Variants in CFAP46 observed in about 807,000 individuals in gnomAD.
CFAP46 encodes cilia- and flagella-associated protein 46.
In CFAP46, 245 loss-of-function variants were observed where a neutral mutation model predicts 325.7. That is an observed-to-expected ratio of 0.75 (90% CI 0.68 to 0.84). CFAP46 has a LOEUF of 0.84. Among genes scored for constraint, CFAP46 ranks in the 40% least tolerant of loss-of-function variants. CFAP46 has a pLI of 0.00. For missense variants in CFAP46, 3,346 were observed against 3,543.0 expected (o/e 0.94, Z 1.41); for synonymous variants, 1,523 against 1,495.9 (o/e 1.02, Z -0.42).
intron 39 of CFAP46, among the ~76,000 whole-genome samples, chr10:132,853,773 G>T (rs527926997): frequency 6.6e-6 from 1 of 152,084 alleles, no homozygotes; most frequent in African/African-American, 2.4e-5. Context: ...TTTCCATTTC[G>T]TCTAAGTTGG....
intron 44 of CFAP46, among the ~76,000 whole-genome samples, chr10:132,841,140 C>T (rs1042801742): frequency 1.3e-5 from 2 of 152,208 alleles, no homozygotes; most frequent in Non-Finnish European, 2.9e-5. Context: ...CTACAAACCC[C>T]GTAGCCCCAA....
At chr10:132,834,205 T>C in intron 48 of CFAP46, 82 bp from the exon 49 acceptor site, 1 of 1,311,382 alleles carries the variant, frequency 7.6e-7, no homozygotes, top group Non-Finnish European at 1.1e-6. Flanking sequence ...CTCAGCCTGT[T>C]TCACTCTAAG....
At chr10:132,936,781 G>A (rs1850014738) in intron 7 of CFAP46, among the ~76,000 whole-genome samples, 180 bp downstream of exon 7, 1 of 152,214 alleles carries the variant, frequency 6.6e-6, no homozygotes, top group Non-Finnish European at 1.5e-5. Context: ...AGGAATTGGG[G>A]TGGCCTTCGG....
Position 132,905,872 on chromosome 10 carries a change from C to T in CFAP46, c.2924+2596G>A, listed in dbSNP as rs147297516. Among the ~76,000 whole-genome samples the T allele has an allele frequency of 5.3e-3, 800 of 152,338 alleles. 4 individuals are homozygous for T. The highest frequency in any genetic ancestry group is 0.01 in the Middle Eastern group (3 of 294). On this transcript the variant is annotated intron_variant, in intron 22 of 57. Coordinates refer to ENST00000368586, the MANE Select transcript of CFAP46 (RefSeq NM_001200049.3). ...GCATCTCCTGCTTATGCCAGAGCTGCAGGGCTGGGGACGCACCCCCAGCCC... is the reference window on the plus strand; with the variant it reads ...GCATCTCCTGCTTATGCCAGAGCTGTAGGGCTGGGGACGCACCCCCAGCCC...
intron 50 of CFAP46, among the ~76,000 whole-genome samples, chr10:132,823,199 CT>C (rs1204720359): frequency 9.4e-6 from 1 of 106,598 alleles, no homozygotes; most frequent in African/African-American, 3.7e-5. Context: ...CTGATGTGTG[CT>C]GTGTGTGTGC....
intron 56 of CFAP46, 177 bp from the exon 57 acceptor site, chr10:132,810,666 C>G: frequency 1.3e-6 from 1 of 741,290 alleles, no homozygotes; most frequent in Non-Finnish European, 2.4e-6. Flanking sequence ...TTGACGCCCA[C>G]CAGGCTCAGC....
rs200326679 is a variant in CFAP46, at chr10:132,857,649, C to T, written c.5515G>A (p.Ala1839Thr). 2.9e-4 allele frequency: 465 copies of T among 1,613,146 alleles called. 1 individual carries two copies. Among genetic ancestry groups the T allele is most frequent in the Non-Finnish European group, 3.4e-4 (397 of 1,179,622 alleles). The change falls in exon 39 of 58, where the codon GCC (alanine) becomes ACC (threonine). Residue 1839 changes from alanine to threonine, a missense_variant. Physicochemically the swap from Ala to Thr is moderately conservative, Grantham distance 58. Transcript: ENST00000368586. ...AGCCTCCCTTCTTCCTCAGCCATGGCGCCCTGGGCCAGGCCATATAAGCCC... is the reference window on the plus strand; with the variant it reads ...AGCCTCCCTTCTTCCTCAGCCATGGTGCCCTGGGCCAGGCCATATAAGCCC... ...IQGLYGLAQG[A>T]MAEEEGRLHS...
rs770250507 is a variant in CFAP46, at chr10:132,922,587, G to T, written c.1378C>A (p.Leu460Ile). 6.5e-7 allele frequency: 1 copy of T among 1,548,980 alleles called. No homozygotes were observed. Among genetic ancestry groups the T allele is most frequent in the Non-Finnish European group, 8.7e-7 (1 of 1,146,844 alleles). The part of the protein sequence containing the change: ...RKAARLDSLG[L>I]YRDRIQMAST... ...GCCATCTGGATCCTGTCCCGGTAGA[G>T]GCCCAGGCTGTCCAGGCGCGCGGCT... The change falls in exon 12 of 58, where the codon CTC (leucine) becomes ATC (isoleucine). Residue 460 changes from leucine to isoleucine, a missense_variant. By Grantham distance (5) the Leu-to-Ile change is conservative. Coordinates refer to ENST00000368586, the MANE Select transcript of CFAP46 (RefSeq NM_001200049.3).
chr10:132,928,446 G>A (rs934888009), intron 9 of CFAP46, among the ~76,000 whole-genome samples: 2 of 152,318 alleles, frequency 1.3e-5, no homozygotes, highest in African/African-American at 4.8e-5. Flanking sequence ...CTTCCCACCT[G>A]CACCCTGGTG....
In CFAP46 at chr10:132,916,623, G is replaced by T. The variant is rs893014290; in HGVS notation, c.2046C>A (p.Pro682=). Residue 682 remains proline (P), a synonymous_variant, in exon 17 of 58, where the codon CCC becomes CCA. Transcript: ENST00000368586. ...CAGCTGGGTGCTGGCTCAGGTCTTC[G>T]GGGGGGATGGCCCGGTCATTCAGCT... ...GVELNDRAIP[P]EDLSQHPAGY... 1 of 1,536,568 alleles carries T rather than the reference G, an allele frequency of 6.5e-7. No homozygotes were observed. The highest frequency in any genetic ancestry group is 1.2e-5 in the South Asian group (1 of 82,264).
chr10:132,936,615 TTGG>T (rs1850011983), intron 7 of CFAP46, among the ~76,000 whole-genome samples: 3 of 132,228 alleles, frequency 2.3e-5, no homozygotes, highest in Non-Finnish European at 4.9e-5. Context: ...CTCACTCCCC[TTGG>T]CATCCAAACA....
At chr10:132,866,335 G>A (rs1442498689) in intron 34 of CFAP46, among the ~76,000 whole-genome samples, 164 bp from the exon 35 acceptor site, 3 of 152,126 alleles carry the variant, frequency 2.0e-5, no homozygotes, top group Non-Finnish European at 4.4e-5. Flanking sequence ...CAAGCTCCCC[G>A]TGTGCCCCAA....
At chr10:132,912,966 T>C (rs12254171) in intron 18 of CFAP46, 80 bp downstream of exon 18, 716,885 of 1,497,552 alleles carry the variant, frequency 0.48, 173,824 homozygotes, top group Admixed American at 0.62. Context: ...GGCCATGGAG[T>C]GCAGCTGCCT....
intron 43 of CFAP46, 101 bp from the exon 44 acceptor site, chr10:132,846,328 G>A (rs1352290009): frequency 2.1e-6 from 3 of 1,400,040 alleles, no homozygotes; most frequent in East Asian, 2.5e-5. Context: ...GGGAGCAGGA[G>A]TGGGCTGGCT....
chr10:132,846,807 A>G (rs11146543), intron 43 of CFAP46, 125 bp downstream of exon 43: 152,251 of 1,245,176 alleles, frequency 0.12, 10,439 homozygotes, highest in African/African-American at 0.27. Flanking sequence ...CCCACTGCTT[A>G]AGGACCCTGG....
rs1210184200 is a variant in CFAP46 at position 132,847,306 on chromosome 10, T to C, written c.5968A>G (p.Ser1990Gly). Reference sequence around the variant, plus strand: ...TCCAGCTCCAGAGACTTGAGGCCGCTCAGCTTGGCGCCCACCTGTGACACA... The same window carrying C: ...TCCAGCTCCAGAGACTTGAGGCCGCCCAGCTTGGCGCCCACCTGTGACACA... Reference protein sequence around the residue: ...EAGPSVGAKLSGLKSLELEVE... With the variant: ...EAGPSVGAKLGGLKSLELEVE... The change falls in exon 42 of 58, where the codon AGC becomes GGC. Residue 1990 changes from serine to glycine, a missense_variant. Ser to Gly is a moderately conservative substitution (Grantham distance 56). Coordinates refer to ENST00000368586, the MANE Select transcript of CFAP46 (RefSeq NM_001200049.3). This position sits in a 1 kb window ranked among gnomAD's most constrained non-coding sequence, Gnocchi z 5.2. 8 of 1,613,292 alleles carry C rather than the reference T, an allele frequency of 5.0e-6. No individual in the cohort carries two copies. In the South Asian group the frequency reaches 6.6e-5, roughly 13 times the overall value.
At chr10:132,918,561 A>G (rs1487928116) in intron 15 of CFAP46, 41 bp from the exon 16 acceptor site, 1 of 1,490,384 alleles carries the variant, frequency 6.7e-7, no homozygotes, top group Non-Finnish European at 9.0e-7. Flanking sequence ...GTTTTTTTCT[A>G]GCAAATAAAT....
chr10:132,826,416 G>C (rs367671510), intron 50 of CFAP46, among the ~76,000 whole-genome samples: 5 of 98,438 alleles, frequency 5.1e-5, no homozygotes, highest in South Asian at 3.6e-4. Flanking sequence ...CCAGGCAGGA[G>C]CCAGAGCCAC....
intron 35 of CFAP46, among the ~76,000 whole-genome samples, chr10:132,863,800 G>C (rs1848759399): frequency 8.0e-6 from 1 of 125,786 alleles, no homozygotes; most frequent in Non-Finnish European, 1.6e-5. Flanking sequence ...CCCCCTGCCT[G>C]AGACCTGCAC....
Sources: gnomAD v4.1 joint callset for allele counts (sites outside exome capture counted in the v4.1 genomes callset) on GRCh38, gnomAD v4.1.1 for gene constraint, Gnocchi (gnomAD v3.1) non-coding constraint, MANE v1.5 for transcripts, NCBI Gene and HGNC (gene_info 2026-07-23, HGNC 2026-07-21) for gene names.